TXNDC16: variants seen among roughly 807,000 people sequenced by gnomAD.
TXNDC16 encodes the protein thioredoxin domain-containing protein 16.
A neutral mutation model predicts 85.6 loss-of-function variants in TXNDC16; 74 were observed. That is an observed-to-expected ratio of 0.86 (90% CI 0.72 to 1.05). The LOEUF (loss-of-function observed/expected upper bound fraction) is 1.05. Ranked by LOEUF, TXNDC16 falls within the 50% of genes least tolerant of loss-of-function variation. TXNDC16 has a pLI of 0.00. For synonymous variants in TXNDC16, 335 were observed against 326.5 expected (o/e 1.03, Z -0.28); for missense variants, 959 against 947.0 (o/e 1.01, Z -0.17).
chr14:52,435,360 C>T lies in TXNDC16; in HGVS notation c.2195-2773G>A, dbSNP rs1014040. ...TGGGAACTCTGTGTCACTGCAGCTA[C>T]AACATGACAATACTCATTTGCTTCT... On this transcript the variant is annotated intron_variant, in intron 20 of 20. Transcript: ENST00000281741. Among the ~76,000 whole-genome samples, 934 of 149,584 alleles carry T rather than the reference C, an allele frequency of 6.2e-3. 6 individuals are homozygous for T. The highest frequency in any genetic ancestry group is 0.021 in the African/African-American group (864 of 40,638).
chr14:52,495,850 T>C (rs908219352), intron 9 of TXNDC16, among the ~76,000 whole-genome samples: 1 of 152,254 alleles, frequency 6.6e-6, no homozygotes, highest in African/African-American at 2.4e-5. Flanking sequence ...CCTCTCAATC[T>C]GAAGACCTGT....
At chr14:52,541,854 T>C (rs2037837905) in intron 4 of TXNDC16, among the ~76,000 whole-genome samples, 1 of 152,164 alleles carries the variant, frequency 6.6e-6, no homozygotes, top group South Asian at 2.1e-4. Context: ...TGAACATTTT[T>C]TGAGAAAAAA....
chr14:52,509,035 C>T (rs561437748), intron 9 of TXNDC16, among the ~76,000 whole-genome samples: 1 of 152,040 alleles, frequency 6.6e-6, no homozygotes, highest in South Asian at 2.1e-4. Flanking sequence ...TGCACATGTA[C>T]CCTAAAACTT....
chr14:52,487,028 A>C (rs2036287916), intron 12 of TXNDC16, among the ~76,000 whole-genome samples: 1 of 152,212 alleles, frequency 6.6e-6, no homozygotes, highest in African/African-American at 2.4e-5. Flanking sequence ...CAGAGTCAGG[A>C]AACAATATAG....
intron 9 of TXNDC16, among the ~76,000 whole-genome samples, chr14:52,506,116 T>C (rs1274669623): frequency 1.3e-5 from 2 of 152,160 alleles, no homozygotes; most frequent in Non-Finnish European, 2.9e-5. Context: ...CAGGACCAGA[T>C]GGATTCACAG....
chr14:52,432,559 A>T lies in TXNDC16; in HGVS notation c.2223T>A (p.Pro741=), dbSNP rs765406048. The T allele has an allele frequency of 3.5e-5, 57 of 1,611,156 alleles. No homozygotes were observed. Among genetic ancestry groups the T allele is most frequent in the Non-Finnish European group, 4.8e-5 (57 of 1,178,982 alleles). ...ITILPAQEWK[P]PLPAYDFLSM... is the part of the protein sequence containing the mutation. Reference sequence around the variant, plus strand: ...TTAGAAAATCATAAGCTGGAAGAGGAGGTTTCCATTCTTGAGCAGGTAAAA... The same window carrying T: ...TTAGAAAATCATAAGCTGGAAGAGGTGGTTTCCATTCTTGAGCAGGTAAAA... The change falls in exon 21 of 21, where the codon CCT becomes CCA. Residue 741 remains proline, a synonymous_variant. Transcript: ENST00000281741.
chr14:52,549,884 A>G (rs113334696), intron 1 of TXNDC16, among the ~76,000 whole-genome samples: 12,966 of 152,110 alleles, frequency 0.085, 605 homozygotes, highest in East Asian at 0.14. Context: ...TGATCTGCCC[A>G]CCTTGGCTTC....
chr14:52,459,386 C>T (rs993035490), intron 16 of TXNDC16, among the ~76,000 whole-genome samples: 1 of 152,074 alleles, frequency 6.6e-6, no homozygotes, highest in African/African-American at 2.4e-5. Flanking sequence ...GAAATTGATT[C>T]CCTGAACAGA....
chr14:52,453,216 G>A (rs754411027), intron 18 of TXNDC16, among the ~76,000 whole-genome samples: 5 of 152,050 alleles, frequency 3.3e-5, no homozygotes, highest in African/African-American at 1.2e-4. Flanking sequence ...GGGACCCCTC[G>A]TATACTCTCA....
intron 6 of TXNDC16, among the ~76,000 whole-genome samples, chr14:52,532,067 C>T (rs2037593653): frequency 6.6e-6 from 1 of 151,844 alleles, no homozygotes; most frequent in African/African-American, 2.4e-5. Flanking sequence ...AACTTAAAAT[C>T]CAGAAGTCAA....
intron 16 of TXNDC16, chr14:52,462,812 C>T: frequency 5.1e-6 from 2 of 390,426 alleles, no homozygotes; most frequent in South Asian, 1.9e-5. Context: ...TTTAAATTAC[C>T]TTTAGTAACA....
chr14:52,476,943 T>C (rs1273152072), intron 14 of TXNDC16, among the ~76,000 whole-genome samples: 1 of 152,018 alleles, frequency 6.6e-6, no homozygotes, highest in East Asian at 1.9e-4. Flanking sequence ...AGGTAACATA[T>C]AAAGGAAAAC....
At chr14:52,439,994 A>T (rs1375180966) in intron 19 of TXNDC16, among the ~76,000 whole-genome samples, 1 of 152,206 alleles carries the variant, frequency 6.6e-6, no homozygotes, top group Non-Finnish European at 1.5e-5. Context: ...TGTTGCCTCA[A>T]GCAGTAGAAT....
chr14:52,548,519 A>G (rs950401532), intron 1 of TXNDC16, among the ~76,000 whole-genome samples: 1 of 152,118 alleles, frequency 6.6e-6, no homozygotes, highest in Non-Finnish European at 1.5e-5. Flanking sequence ...TCATGAGAAC[A>G]GTTTGCTGTT....
At position 52,493,198 on chromosome 14, in the gene TXNDC16, T is replaced by C. The variant is rs1265496395; in HGVS notation, c.757-2193A>G. ...TGTGAACACATGTCACTGTTCTATA[T>C]ATATATATATATATATATACACACA... On this transcript the variant is annotated intron_variant, in intron 9 of 20. Coordinates refer to ENST00000281741, the MANE Select transcript of TXNDC16 (RefSeq NM_020784.3). Among the ~76,000 whole-genome samples the C allele has an allele frequency of 5.2e-5, 7 of 133,780 alleles. No homozygotes were observed. The South Asian group carries it at 1.6e-3, about 30-fold the overall frequency. The allele number at this position is 133,780 out of a possible 152,430, so 87.8% of individuals were successfully genotyped here.
chr14:52,434,878 G>C (rs1191638336), intron 20 of TXNDC16, among the ~76,000 whole-genome samples: 1 of 152,188 alleles, frequency 6.6e-6, no homozygotes, highest in East Asian at 1.9e-4. Context: ...AGAAATGATG[G>C]AAACCCGTAA....
chr14:52,475,810 ACCAATGCACTTTCAAG>A (rs1382440004), intron 14 of TXNDC16, among the ~76,000 whole-genome samples: 1 of 152,054 alleles, frequency 6.6e-6, no homozygotes, highest in Non-Finnish European at 1.5e-5. Flanking sequence ...TCCTCCCGAT[ACCAATGCACTTTCAAG>A]CCAATGCTCT....
intron 16 of TXNDC16, among the ~76,000 whole-genome samples, chr14:52,467,938 A>G (rs2035815491): frequency 1.3e-5 from 2 of 152,354 alleles, no homozygotes; most frequent in Admixed American, 6.5e-5. Context: ...AAATTCTGAC[A>G]CACACTACAA....
intron 14 of TXNDC16, among the ~76,000 whole-genome samples, chr14:52,472,589 T>C (rs1455176306): frequency 6.6e-6 from 1 of 152,242 alleles, no homozygotes; most frequent in East Asian, 1.9e-4. Flanking sequence ...TGTACACTGA[T>C]ATTTCTTCAC....
Sources: gnomAD v4.1 joint callset for allele counts (sites outside exome capture counted in the v4.1 genomes callset) on GRCh38, gnomAD v4.1.1 for gene constraint, MANE v1.5 for transcripts, NCBI Gene and HGNC (gene_info 2026-07-23, HGNC 2026-07-21) for gene names.